Variants in PPP1R10 observed in about 807,000 individuals in gnomAD.
PPP1R10 encodes serine/threonine-protein phosphatase 1 regulatory subunit 10.
A neutral mutation model predicts 99.0 loss-of-function variants in PPP1R10; 15 were observed. The observed-to-expected ratio is 0.15, with a 90% CI of 0.10 to 0.23. The LOEUF is 0.23. Ranked by LOEUF, PPP1R10 falls within the 10% of genes least tolerant of loss-of-function variation. The pLI, the probability that PPP1R10 is intolerant of heterozygous loss-of-function variation, is 1.00. For missense variants in PPP1R10, 947 were observed against 1,259.4 expected (o/e 0.75, Z 3.75); for synonymous variants, 430 against 449.5 (o/e 0.96, Z 0.55).
intron 2 of PPP1R10, among the ~76,000 whole-genome samples, chr6:30,612,313 C>T (rs1804643697): frequency 6.6e-6 from 1 of 152,142 alleles, no homozygotes; most frequent in African/African-American, 2.4e-5. Context: ...ACCTACTACC[C>T]CTATTTCCTT....
rs1013883843 is a variant in PPP1R10, at chr6:30,600,841, G to A, written c.*708C>T. 3 of 152,644 alleles carry A rather than the reference G, an allele frequency of 2.0e-5. No individual in the cohort carries two copies. The highest frequency in any genetic ancestry group is 4.4e-5 in the Non-Finnish European group (3 of 68,076). 9.5% of individuals were successfully genotyped at this position (152,644 alleles called of 1,614,324 possible). ...GGCTATAGTTGGCAAAGGCAGACCA[G>A]CACCACCGGTCTCACCTCTGCCAGC... On this transcript the variant is annotated 3_prime_UTR_variant, in exon 20 of 20. Transcript: ENST00000376511.
intron 5 of PPP1R10, among the ~76,000 whole-genome samples, 167 bp downstream of exon 5, chr6:30,608,612 A>T (rs1023680429): frequency 1.3e-5 from 2 of 152,052 alleles, no homozygotes; most frequent in Non-Finnish European, 2.9e-5. Context: ...CCACACACCT[A>T]TTAAAGGAGA....
Position 30,609,097 on chromosome 6 carries a change from A to G in PPP1R10, c.174T>C (p.Arg58=), listed in dbSNP as rs1429932032. ...CTTACTTGACCAATATTTCTGGTGAACGGGTCTGCAGGAGAATGTTCAAGT... is the reference window on the plus strand; with the variant it reads ...CTTACTTGACCAATATTTCTGGTGAGCGGGTCTGCAGGAGAATGTTCAAGT... ...CTYLNILLQT[R]SPEILVKFID... Residue 58 remains arginine, a synonymous_variant, in exon 4 of 20, where the codon CGT becomes CGC. Transcript: ENST00000376511. This position sits in a 1 kb window ranked among gnomAD's most constrained non-coding sequence, Gnocchi z 4.5. 6.2e-7 allele frequency: 1 copy of G among 1,613,956 alleles called. No homozygotes were observed. The highest frequency in any genetic ancestry group is 8.5e-7 in the Non-Finnish European group (1 of 1,180,014).
chr6:30,612,743 G>A lies in PPP1R10; in HGVS notation c.-11-2788C>T, dbSNP rs954488358. Among the ~76,000 whole-genome samples, 6 of 151,878 alleles carry A rather than the reference G, an allele frequency of 4.0e-5. No homozygotes were observed. In the East Asian group the frequency reaches 1.2e-3, roughly 29 times the overall value. ...CCTTGCTTTGAAGTCAGTATATTTTGGAAAAAAACCAAACAATTTCCAAGG... is the reference window on the plus strand; with the variant it reads ...CCTTGCTTTGAAGTCAGTATATTTTAGAAAAAAACCAAACAATTTCCAAGG... On this transcript the variant is annotated intron_variant, in intron 2 of 19. Transcript: ENST00000376511.
chr6:30,615,591 A>C lies in PPP1R10; in HGVS notation c.-12+887T>G, dbSNP rs146534234. Among the ~76,000 whole-genome samples the C allele has an allele frequency of 6.0e-4, 91 of 152,334 alleles. 1 individual carries two copies. The highest frequency in any genetic ancestry group is 2.0e-3 in the African/African-American group (83 of 41,578). On this transcript the variant is annotated intron_variant, in intron 2 of 19. Coordinates refer to ENST00000376511, the MANE Select transcript of PPP1R10 (RefSeq NM_002714.4). ...GAAAAAAATTCCTTTTAACGACACAAATCTTTTAGAAAGCTAGCATTCAAT... is the reference window on the plus strand; with the variant it reads ...GAAAAAAATTCCTTTTAACGACACACATCTTTTAGAAAGCTAGCATTCAAT...
intron 2 of PPP1R10, among the ~76,000 whole-genome samples, chr6:30,610,434 A>G (rs527475605): frequency 3.1e-4 from 47 of 152,346 alleles, no homozygotes; most frequent in South Asian, 1.7e-3. Context: ...TAAATGTCTT[A>G]TAAGACTTGA....
At chr6:30,616,174 C>T (rs1760508382) in intron 2 of PPP1R10, among the ~76,000 whole-genome samples, 1 of 152,164 alleles carries the variant, frequency 6.6e-6, no homozygotes, top group Non-Finnish European at 1.5e-5. Flanking sequence ...ACACATATGG[C>T]TTTGGCAGTC....
In PPP1R10 at chr6:30,600,677, T is replaced by C. The variant is rs1803218526; in HGVS notation, c.*872A>G. The C allele has an allele frequency of 6.6e-6, 1 of 152,456 alleles. No individual in the cohort carries two copies. The highest frequency in any genetic ancestry group is 1.5e-5 in the Non-Finnish European group (1 of 67,998). The allele number at this position is 152,456 out of a possible 1,614,324, so 9.4% of individuals were successfully genotyped here. ...AAGTACCTGGAAGCCTCCTTCACGC[T>C]GGCAAGGTTCCAGGTGGGAGCAGGG... On this transcript the variant is annotated 3_prime_UTR_variant, in exon 20 of 20. Coordinates refer to ENST00000376511, the MANE Select transcript of PPP1R10 (RefSeq NM_002714.4).
chr6:30,603,987 C>G, intron 14 of PPP1R10, 21 bp downstream of exon 14: 1 of 1,562,474 alleles, frequency 6.4e-7, no homozygotes. Flanking sequence ...CATCCCAGGG[C>G]ACGAACCCCA....
chr6:30,606,388 C>CGTAT lies in PPP1R10; in HGVS notation c.634+79_634+80insATAC, dbSNP rs1803950855. The CGTAT allele has an allele frequency of 6.3e-7, 1 of 1,582,758 alleles. No individual in the cohort carries two copies. ...TCCCTCTTCCTTACGATTAACATAC[C>CGTAT]ACACATCAAATGATTCCCCCATAAG... On this transcript the variant is annotated intron_variant, in intron 8 of 19. Transcript: ENST00000376511. The surrounding 1 kb of genome is among the most constrained non-coding windows in gnomAD (Gnocchi z 6.3).
intron 5 of PPP1R10, 61 bp from the exon 6 acceptor site, chr6:30,607,952 C>A: frequency 6.6e-7 from 1 of 1,504,900 alleles, no homozygotes; most frequent in Non-Finnish European, 9.1e-7. Flanking sequence ...CCACTTAGAG[C>A]TAAAAACGAC....
At position 30,604,564 on chromosome 6, in the gene PPP1R10, A is replaced by T; in HGVS notation, c.1102+24T>A. On this transcript the variant is annotated intron_variant, in intron 12 of 19. Coordinates refer to ENST00000376511, the MANE Select transcript of PPP1R10 (RefSeq NM_002714.4). The surrounding 1 kb of genome is among the most constrained non-coding windows in gnomAD (Gnocchi z 7.3). ...GATCCCTCCTTTCAGAAAACCCCCC[A>T]AACTGAACCAGTTTCTAGATTACCT... 3 of 1,612,746 alleles carry T rather than the reference A, an allele frequency of 1.9e-6. No homozygotes were observed. The highest frequency in any genetic ancestry group is 2.5e-6 in the Non-Finnish European group (3 of 1,179,892).
chr6:30,605,160 C>T, intron 10 of PPP1R10, 66 bp from the exon 11 acceptor site: 1 of 1,419,834 alleles, frequency 7.0e-7, no homozygotes, highest in East Asian at 2.3e-5. Flanking sequence ...CCTGCAAACA[C>T]AGTCCAGGCA....
chr6:30,603,077 GTCCAGTCT>G, intron 17 of PPP1R10, 118 bp from the exon 18 acceptor site: 1 of 1,388,994 alleles, frequency 7.2e-7, no homozygotes, highest in African/African-American at 1.4e-5. Context: ...TGCTCTCTCT[GTCCAGTCT>G]TCCCCTCCCA....
Position 30,616,770 on chromosome 6 carries a change from A to G in PPP1R10, c.-304T>C, listed in dbSNP as rs1760613541. The G allele has an allele frequency of 6.6e-6, 1 of 152,078 alleles. No homozygotes were observed. The highest frequency in any genetic ancestry group is 2.4e-5 in the African/African-American group (1 of 41,402). The allele number at this position is 152,078 out of a possible 1,614,324, so 9.4% of individuals were successfully genotyped here. ...AAGGGAGGGTGGTTGATTATTTTTG[A>G]AGTTATGTAGTGACGGTCCTTCGGC... On this transcript the variant is annotated 5_prime_UTR_variant, in exon 2 of 20. Transcript: ENST00000376511.
At chr6:30,614,971 C>A (rs927561552) in intron 2 of PPP1R10, among the ~76,000 whole-genome samples, 1 of 152,132 alleles carries the variant, frequency 6.6e-6, no homozygotes. Context: ...CGAGCACAGG[C>A]AGTGCAAAAG....
intron 2 of PPP1R10, among the ~76,000 whole-genome samples, chr6:30,612,522 G>A (rs1804661106): frequency 6.6e-6 from 1 of 152,056 alleles, no homozygotes; most frequent in Admixed American, 6.6e-5. Flanking sequence ...ATAGTCAAAG[G>A]GAAGCTAAGA....
chr6:30,602,510 G>A lies in PPP1R10; in HGVS notation c.2139C>T (p.Asn713=), dbSNP rs540400330. The change falls in exon 19 of 20, where the codon AAC becomes AAT. Residue 713 remains asparagine, a synonymous_variant. Transcript: ENST00000376511. The surrounding 1 kb of genome is among the most constrained non-coding windows in gnomAD (Gnocchi z 6.7). ...YHRGRGGRGG[N]EPPPPPPPFR... ...ATGGAGGAGGAGGAGGAGGAGGTTCGTTTCCTCCTCGGCCACCTCGGCCTC... is the reference window on the plus strand; with the variant it reads ...ATGGAGGAGGAGGAGGAGGAGGTTCATTTCCTCCTCGGCCACCTCGGCCTC... 2.1e-5 allele frequency: 33 copies of A among 1,571,856 alleles called. No homozygotes were observed. Among genetic ancestry groups the A allele is most frequent in the Non-Finnish European group, 2.8e-5 (32 of 1,157,090 alleles).
chr6:30,602,225 A>G lies in PPP1R10; in HGVS notation c.2424T>C (p.Ser808=). The stretch of plus-strand genomic sequence containing the variant: ...CATGGGGACGATGGCCACTGCCACC[A>G]CTGATGCCACCGCCAGGGCCTTCGT... ...RPHEGPGGGI[S]GGSGHRPHEG... Residue 808 remains serine, a synonymous_variant, in exon 19 of 20, where the codon AGT becomes AGC. Coordinates refer to ENST00000376511, the MANE Select transcript of PPP1R10 (RefSeq NM_002714.4). The surrounding 1 kb of genome is among the most constrained non-coding windows in gnomAD (Gnocchi z 6.7). The G allele has an allele frequency of 1.7e-5, 28 of 1,611,180 alleles. No homozygotes were observed. The highest frequency in any genetic ancestry group is 2.4e-5 in the Non-Finnish European group (28 of 1,179,046).
Sources: gnomAD v4.1 joint callset for allele counts (sites outside exome capture counted in the v4.1 genomes callset) on GRCh38, gnomAD v4.1.1 for gene constraint, Gnocchi (gnomAD v3.1) non-coding constraint, MANE v1.5 for transcripts, NCBI Gene and HGNC (gene_info 2026-07-23, HGNC 2026-07-21) for gene names.